Variants in ARHGEF18 observed in about 807,000 individuals in gnomAD.
ARHGEF18 encodes the protein rho guanine nucleotide exchange factor 18.
Under a neutral mutation model 155.7 loss-of-function variants are expected in ARHGEF18, and 93 were observed. The observed-to-expected ratio is 0.60, with a 90% CI of 0.50 to 0.71. The LOEUF is 0.71. Ranked by LOEUF, ARHGEF18 falls within the 30% of genes least tolerant of loss-of-function variation. ARHGEF18 has a pLI of 0.00. For missense variants in ARHGEF18, 1,593 were observed against 1,816.1 expected, an observed-to-expected ratio of 0.88 and a Z score of 2.23; for synonymous variants, 742 against 753.1, an observed-to-expected ratio of 0.99 and a Z score of 0.24.
intron 1 of ARHGEF18, among the ~76,000 whole-genome samples, chr19:7,359,170 A>G (rs987728777): frequency 6.6e-6 from 1 of 152,082 alleles, no homozygotes; most frequent in Non-Finnish European, 1.5e-5. Context: ...TCTGAATGTC[A>G]TTCTAAGGGG....
At chr19:7,398,113 C>G (rs1390811598) in intron 10 of ARHGEF18, among the ~76,000 whole-genome samples, 3 of 152,108 alleles carry the variant, frequency 2.0e-5, no homozygotes, top group Non-Finnish European at 4.4e-5. Flanking sequence ...CGCTCTGGCG[C>G]CCAGGCTGGA....
At chr19:7,370,321 C>A (rs1970143922) in intron 2 of ARHGEF18, among the ~76,000 whole-genome samples, 1 of 152,088 alleles carries the variant, frequency 6.6e-6, no homozygotes, top group Non-Finnish European at 1.5e-5. Flanking sequence ...CAGGGAAACT[C>A]CATCTCTACT....
At chr19:7,474,787 C>A (rs996537136), downstream of ARHGEF18, among the ~76,000 whole-genome samples, 13 of 96,466 alleles carry the variant, frequency 1.3e-4, no homozygotes, top group East Asian at 3.7e-3. Context: ...GTGTGTGTCT[C>A]CCCCCACCCT....
intron 1 of ARHGEF18, among the ~76,000 whole-genome samples, chr19:7,362,194 GAGA>G (rs146569533): frequency 5.8e-5 from 7 of 120,696 alleles, no homozygotes; most frequent in East Asian, 2.1e-4. Context: ...GGAGAAGAAG[GAGA>G]AGAAGAAGGA....
rs768805520 is a variant in ARHGEF18, at chr19:7,462,241, G to A, written c.2542G>A (p.Glu848Lys). Residue 848 changes from glutamate (E) to lysine (K), a missense_variant, in exon 21 of 29, where the codon GAA becomes AAA. Glu to Lys is a moderately conservative substitution (Grantham distance 56, BLOSUM62 1). Transcript: ENST00000668164. This position sits in a 1 kb window ranked among gnomAD's most constrained non-coding sequence, Gnocchi z 4.4. ...YLEMAEMGGL[E>K]DLPQPRGLFR... ...GGAGATGGCCGAGATGGGCGGCCTC[G>A]AAGACCTGCCCCAGCCCCGAGGCCT... is the stretch of plus-strand genomic sequence containing the variant. The A allele has an allele frequency of 1.1e-5, 17 of 1,613,780 alleles. No homozygotes were observed. The highest frequency in any genetic ancestry group is 9.3e-5 in the African/African-American group (7 of 74,940).
intron 5 of ARHGEF18, among the ~76,000 whole-genome samples, chr19:7,377,182 G>A (rs540208722): frequency 6.6e-5 from 10 of 151,688 alleles, no homozygotes; most frequent in African/African-American, 2.2e-4. Context: ...GCCCTTCTCC[G>A]GCCTCAGCCT....
At chr19:7,426,624 C>T (rs1973683245) in intron 10 of ARHGEF18, among the ~76,000 whole-genome samples, 2 of 152,148 alleles carry the variant, frequency 1.3e-5, no homozygotes, top group African/African-American at 2.4e-5. Context: ...ACCTCCACCT[C>T]AGTTTTCCCC....
downstream of ARHGEF18, among the ~76,000 whole-genome samples, chr19:7,475,756 G>A (rs1387567013): frequency 6.6e-6 from 1 of 152,226 alleles, no homozygotes; most frequent in Non-Finnish European, 1.5e-5. Context: ...CAGAGGCGCT[G>A]CTCCAAGGGC....
chr19:7,478,317 G>T, the ARHGEF18 span: 2 of 1,610,992 alleles, frequency 1.2e-6, no homozygotes, highest in Non-Finnish European at 1.7e-6. Context: ...CTCCTACCTG[G>T]TGAAGGGCGC....
chr19:7,363,365 C>G (rs572196343), intron 2 of ARHGEF18, among the ~76,000 whole-genome samples: 1 of 150,364 alleles, frequency 6.7e-6, no homozygotes, highest in South Asian at 2.1e-4. Flanking sequence ...AAGAAGAAAG[C>G]TAGATGGATA....
At chr19:7,412,570 C>A (rs780185139) in intron 10 of ARHGEF18, among the ~76,000 whole-genome samples, 1 of 151,530 alleles carries the variant, frequency 6.6e-6, no homozygotes, top group Non-Finnish European at 1.5e-5. Context: ...GGCAAAACCC[C>A]GTCTTTACTA....
chr19:7,470,937 ATCAGTGGCCCTCCAG>A lies in ARHGEF18; in HGVS notation c.*644_*658del. On this transcript the variant is annotated 3_prime_UTR_variant, in exon 29 of 29. Coordinates refer to ENST00000668164, the MANE Select transcript of ARHGEF18 (RefSeq NM_001367823.1). This position sits in a 1 kb window ranked among gnomAD's most constrained non-coding sequence, Gnocchi z 5.9. ...ACGGGGCAGGGCCCACTGAGGGAAC[ATCAGTGGCCCTCCAG>A]TCAGGTTCTGTGGGTTTGGAAGCCC... 1 of 400,662 alleles carries A rather than the reference ATCAGTGGCCCTCCAG, an allele frequency of 2.5e-6. No homozygotes were observed. Among genetic ancestry groups the A allele is most frequent in the Non-Finnish European group, 4.4e-6 (1 of 225,940 alleles). 24.8% of individuals were successfully genotyped at this position (400,662 alleles called of 1,614,324 possible).
intron 18 of ARHGEF18, among the ~76,000 whole-genome samples, chr19:7,457,349 C>G (rs1251098775): frequency 7.3e-6 from 1 of 136,308 alleles, no homozygotes; most frequent in African/African-American, 3.1e-5. Context: ...CCATAATCAC[C>G]TCTCTTTTTT....
rs1479467452 is a variant in ARHGEF18 at position 7,375,290 on chromosome 19, A to G, written c.276-430A>G. Among the ~76,000 whole-genome samples the G allele has an allele frequency of 1.3e-3, 113 of 85,598 alleles. 1 individual carries two copies. Among genetic ancestry groups the G allele is most frequent in the Non-Finnish European group, 1.9e-3 (65 of 33,570 alleles). 56.2% of individuals were successfully genotyped at this position (85,598 alleles called of 152,430 possible). On this transcript the variant is annotated intron_variant, in intron 3 of 28. Coordinates refer to ENST00000668164, the MANE Select transcript of ARHGEF18 (RefSeq NM_001367823.1). ...CTGTCTCAAAAAAAAAAAAAGAAAGAAAAGAAAGAAAGAAAAGAAAGAAAA... is the reference window on the plus strand; with the variant it reads ...CTGTCTCAAAAAAAAAAAAAGAAAGGAAAGAAAGAAAGAAAAGAAAGAAAA...
At chr19:7,421,740 C>A (rs2145679366) in intron 10 of ARHGEF18, among the ~76,000 whole-genome samples, 1 of 152,184 alleles carries the variant, frequency 6.6e-6, no homozygotes, top group South Asian at 2.1e-4. Context: ...CCAGACTGGG[C>A]AACAGAGTGA....
intron 17 of ARHGEF18, among the ~76,000 whole-genome samples, chr19:7,454,348 A>G (rs1975696853): frequency 6.6e-6 from 1 of 151,354 alleles, no homozygotes; most frequent in African/African-American, 2.4e-5. Flanking sequence ...TCTTGGAAAT[A>G]GTGACATCCT....
intron 10 of ARHGEF18, among the ~76,000 whole-genome samples, chr19:7,397,425 C>G (rs1412317647): frequency 6.6e-6 from 1 of 151,938 alleles, no homozygotes; most frequent in Non-Finnish European, 1.5e-5. Context: ...GCTTCCATGT[C>G]TGGCTAATTT....
At chr19:7,458,751 T>C (rs984408419) in intron 19 of ARHGEF18, 61 bp downstream of exon 19, 40 of 1,530,124 alleles carry the variant, frequency 2.6e-5, no homozygotes, top group Non-Finnish European at 3.5e-5. Context: ...GGTCCACCCT[T>C]GGCTTCGACC....
chr19:7,452,360 G>A (rs961159071), intron 16 of ARHGEF18, among the ~76,000 whole-genome samples: 8 of 152,244 alleles, frequency 5.3e-5, no homozygotes, highest in African/African-American at 1.4e-4. Flanking sequence ...AATTCAGGCC[G>A]TGAGAGGATG....
Sources: gnomAD v4.1 joint callset for allele counts (sites outside exome capture counted in the v4.1 genomes callset) on GRCh38, gnomAD v4.1.1 for gene constraint, Gnocchi (gnomAD v3.1) non-coding constraint, MANE v1.5 for transcripts, NCBI Gene and HGNC (gene_info 2026-07-23, HGNC 2026-07-21) for gene names.